The following LMNTD1 variants were observed in gnomAD, a reference collection of about 807,000 sequenced individuals.
LMNTD1 encodes lamin tail domain-containing protein 1.
A neutral mutation model predicts 50.9 loss-of-function variants in LMNTD1; 35 were observed. That is an observed-to-expected ratio of 0.69 (90% confidence interval 0.53 to 0.91). The LOEUF is 0.91. Ranked by LOEUF, LMNTD1 falls within the 40% of genes least tolerant of loss-of-function variation. LMNTD1 has a pLI of 0.00. For missense variants in LMNTD1, 470 were observed against 475.5 expected, an observed-to-expected ratio of 0.99 and a Z score of 0.11; for synonymous variants, 153 against 161.9, an observed-to-expected ratio of 0.94 and a Z score of 0.42.
chr12:25,481,204 A>C (rs7973188), intron 9 of LMNTD1, among the ~76,000 whole-genome samples: 98,794 of 151,610 alleles, frequency 0.65, 32,792 homozygotes, highest in East Asian at 0.95. Context: ...ATTTGAATCA[A>C]AGTAAACCTC....
At chr12:25,521,085 A>T (rs1332839406) in intron 6 of LMNTD1, among the ~76,000 whole-genome samples, 2 of 152,086 alleles carry the variant, frequency 1.3e-5, no homozygotes, top group African/African-American at 4.8e-5. Context: ...GAGTTGTAAG[A>T]GTTCCTCATA....
intron 9 of LMNTD1, among the ~76,000 whole-genome samples, chr12:25,478,049 T>C (rs1399659365): frequency 6.6e-6 from 1 of 152,140 alleles, no homozygotes; most frequent in Admixed American, 6.5e-5. Flanking sequence ...ATTCTAGCCG[T>C]ACTGGCAGCT....
chr12:25,559,195 C>A (rs893207580), intron 1 of LMNTD1, among the ~76,000 whole-genome samples: 1 of 152,056 alleles, frequency 6.6e-6, no homozygotes, highest in African/African-American at 2.4e-5. Context: ...TACCTCCCCC[C>A]TGCCCCCACC....
chr12:25,566,303 C>G (rs1944557064), intron 1 of LMNTD1, among the ~76,000 whole-genome samples: 1 of 151,906 alleles, frequency 6.6e-6, no homozygotes, highest in South Asian at 2.1e-4. Flanking sequence ...TTTCTTCTGT[C>G]TCTTCTGACA....
chr12:25,569,058 A>G (rs906859436), intron 1 of LMNTD1, among the ~76,000 whole-genome samples: 2 of 152,236 alleles, frequency 1.3e-5, no homozygotes, highest in African/African-American at 4.8e-5. Context: ...CCAGAATGGT[A>G]GAGCTACTGG....
intron 9 of LMNTD1, chr12:25,497,925 A>T (rs187549920): frequency 6.6e-6 from 1 of 152,150 alleles, no homozygotes; most frequent in Non-Finnish European, 1.5e-5. Context: ...CCACTGATAA[A>T]ATTTTTGGGT....
At chr12:25,539,147 C>G (rs1351833428) in intron 4 of LMNTD1, among the ~76,000 whole-genome samples, 1 of 146,406 alleles carries the variant, frequency 6.8e-6, no homozygotes, top group Admixed American at 6.9e-5. Flanking sequence ...ACCCCACTGT[C>G]AACATTAGAC....
chr12:25,594,517 A>G (rs181751705), intron 1 of LMNTD1, among the ~76,000 whole-genome samples: 1 of 152,248 alleles, frequency 6.6e-6, no homozygotes, highest in Non-Finnish European at 1.5e-5. Flanking sequence ...ATGTTGACAG[A>G]ATTCGCCACT....
At chr12:25,575,645 C>T (rs1383640768) in intron 1 of LMNTD1, among the ~76,000 whole-genome samples, 3 of 151,826 alleles carry the variant, frequency 2.0e-5, no homozygotes, top group Non-Finnish European at 4.4e-5. Context: ...GGCCAATTGC[C>T]TCTTTTCCAG....
chr12:25,520,039 C>T lies in LMNTD1; in HGVS notation c.835G>A (p.Ala279Thr), dbSNP rs759508652. The T allele has an allele frequency of 2.0e-4, 324 of 1,612,862 alleles. No individual in the cohort carries two copies. Among genetic ancestry groups the T allele is most frequent in the Non-Finnish European group, 2.7e-4 (317 of 1,179,676 alleles). Residue 279 changes from alanine to threonine, a missense_variant, in exon 7 of 10, where the codon GCG becomes ACG. Transcript: ENST00000458174. ...AWYTPIHWKQ[A>T]WEKLDADVEF... Reference sequence around the variant, plus strand: ...ACGTCAGCATCTAATTTTTCCCACGCTTGCTTCCAGTGGATAGGGGTGTAC... The same window carrying T: ...ACGTCAGCATCTAATTTTTCCCACGTTTGCTTCCAGTGGATAGGGGTGTAC...
At chr12:25,536,489 AC>A (rs1159965588) in intron 4 of LMNTD1, among the ~76,000 whole-genome samples, 7 of 152,186 alleles carry the variant, frequency 4.6e-5, no homozygotes, top group African/African-American at 7.2e-5. Flanking sequence ...CTTTTCAATT[AC>A]CCAAGGATAA....
At chr12:25,522,581 T>C (rs1350178550) in intron 6 of LMNTD1, among the ~76,000 whole-genome samples, 1 of 152,176 alleles carries the variant, frequency 6.6e-6, no homozygotes, top group Non-Finnish European at 1.5e-5. Context: ...TTCCCCAAGA[T>C]ACTGAAACAT....
At chr12:25,577,804 G>A (rs1222142111) in intron 1 of LMNTD1, among the ~76,000 whole-genome samples, 1 of 152,164 alleles carries the variant, frequency 6.6e-6, no homozygotes, top group Non-Finnish European at 1.5e-5. Flanking sequence ...CATTCAGTAT[G>A]ATATTGCCCA....
intron 1 of LMNTD1, among the ~76,000 whole-genome samples, chr12:25,639,753 G>A (rs774758221): frequency 1.6e-4 from 25 of 152,170 alleles, no homozygotes; most frequent in Non-Finnish European, 2.8e-4. Context: ...CATTCTGAAA[G>A]TGTTAAACAT....
intron 1 of LMNTD1, among the ~76,000 whole-genome samples, chr12:25,571,339 T>TTA (rs1555112965): frequency 1.7e-4 from 26 of 148,788 alleles, no homozygotes; most frequent in African/African-American, 6.2e-4. Flanking sequence ...AAAAAAGTAT[T>TTA]TTTATTTATT....
intron 6 of LMNTD1, among the ~76,000 whole-genome samples, chr12:25,521,393 A>T (rs1416097947): frequency 6.6e-6 from 1 of 152,006 alleles, no homozygotes; most frequent in Non-Finnish European, 1.5e-5. Context: ...GTTGTTTTTT[A>T]TTTACCATGT....
At chr12:25,618,048 A>C (rs916895387) in intron 1 of LMNTD1, among the ~76,000 whole-genome samples, 12 of 151,970 alleles carry the variant, frequency 7.9e-5, no homozygotes, top group African/African-American at 2.9e-4. Flanking sequence ...ATCTCATCTG[A>C]CCCCTGAGCC....
At chr12:25,617,777 A>G (rs574360049) in intron 1 of LMNTD1, among the ~76,000 whole-genome samples, 3 of 152,344 alleles carry the variant, frequency 2.0e-5, no homozygotes, top group South Asian at 4.1e-4. Flanking sequence ...ACAGGTAAAT[A>G]ATATTAATCT....
rs761271450 is a variant in LMNTD1, at chr12:25,549,490, C to A, written c.146G>T (p.Gly49Val). 3.3e-5 allele frequency: 54 copies of A among 1,613,004 alleles called. No homozygotes were observed. The highest frequency in any genetic ancestry group is 3.4e-5 in the Non-Finnish European group (40 of 1,179,392). ...CAATGGCAGTGTTGTGGCAACTGAA[C>A]CCAACATCTTTGGGGAAAAATGTAC... ...SLVHFSPKML[G>V]SVATTLPLSS... Residue 49 changes from glycine (G) to valine (V), a missense_variant, in exon 3 of 10, where the codon GGT becomes GTT. Physicochemically the swap from Gly to Val is moderately radical, Grantham distance 109. Coordinates refer to ENST00000458174, the MANE Select transcript of LMNTD1 (RefSeq NM_001145728.2).
Sources: allele counts gnomAD v4.1 joint callset (sites outside exome capture counted in the v4.1 genomes callset), GRCh38; gene constraint gnomAD v4.1.1; transcripts MANE v1.5; gene names NCBI Gene and HGNC (gene_info 2026-07-23, HGNC 2026-07-21).